Variants in RUNDC3B observed in about 807,000 individuals in gnomAD.
The protein encoded by RUNDC3B is RUN domain-containing protein 3B.
RUNDC3B carries 33 observed loss-of-function variants against 58.4 expected under a neutral mutation model. That is an observed-to-expected ratio of 0.56 (90% CI 0.43 to 0.75). The LOEUF is 0.75. RUNDC3B is among the 30% of genes least tolerant of loss of function. The pLI is 0.00. For missense variants in RUNDC3B, 501 were observed against 535.7 expected, an observed-to-expected ratio of 0.94 and a Z score of 0.64; for synonymous variants, 193 against 195.2, an observed-to-expected ratio of 0.99 and a Z score of 0.10.
chr7:87,664,928 A>G (rs1218304930), intron 2 of RUNDC3B, among the ~76,000 whole-genome samples: 5 of 152,128 alleles, frequency 3.3e-5, no homozygotes, highest in Non-Finnish European at 7.4e-5. Flanking sequence ...ATTCTCAACA[A>G]TTAAAGTACA....
chr7:87,742,516 C>T (rs1832383735), intron 6 of RUNDC3B, among the ~76,000 whole-genome samples: 1 of 151,992 alleles, frequency 6.6e-6, no homozygotes. Context: ...TCATCCAGGT[C>T]ATCACAAATG....
chr7:87,679,070 T>C lies in RUNDC3B; in HGVS notation c.239-21351T>C, dbSNP rs942494441. Among the ~76,000 whole-genome samples, 2 of 134,722 alleles carry C rather than the reference T, an allele frequency of 1.5e-5. 1 individual carries two copies. The highest frequency in any genetic ancestry group is 5.9e-5 in the African/African-American group (2 of 34,070). 88.4% of individuals were successfully genotyped at this position (134,722 alleles called of 152,430 possible). On this transcript the variant is annotated intron_variant, in intron 2 of 10. Transcript: ENST00000394654. The stretch of plus-strand genomic sequence containing the variant: ...TGGCAATATTATCAGCCAACTGACA[T>C]TTATAAAACACCCCAACTTTTTTTT...
intron 2 of RUNDC3B, among the ~76,000 whole-genome samples, chr7:87,667,853 T>A (rs1825418002): frequency 6.6e-6 from 1 of 152,172 alleles, no homozygotes; most frequent in South Asian, 2.1e-4. Context: ...TCTTGATGGA[T>A]TAGCTTTTTG....
chr7:87,751,411 G>A (rs549625527), intron 6 of RUNDC3B, among the ~76,000 whole-genome samples: 3 of 152,196 alleles, frequency 2.0e-5, no homozygotes, highest in East Asian at 3.9e-4. Flanking sequence ...TTCCAATTCT[G>A]TGAAGAAAGT....
At chr7:87,702,248 A>C (rs1217361387) in intron 3 of RUNDC3B, among the ~76,000 whole-genome samples, 1 of 149,964 alleles carries the variant, frequency 6.7e-6, no homozygotes, top group Non-Finnish European at 1.5e-5. Context: ...TTATGTTAAC[A>C]GGTAATGGGT....
intron 9 of RUNDC3B, among the ~76,000 whole-genome samples, chr7:87,813,751 G>A (rs529266389): frequency 1.3e-5 from 2 of 152,114 alleles, no homozygotes; most frequent in African/African-American, 2.4e-5. Context: ...AGGCCGAGGC[G>A]GGAGGATCGT....
Position 87,686,570 on chromosome 7 carries a change from A to C in RUNDC3B, c.239-13851A>C, listed in dbSNP as rs542979134. On this transcript the variant is annotated intron_variant, in intron 2 of 10. Transcript: ENST00000394654. ...GTAAAGTCATCAGAGACAACGTTGT[A>C]AACTTCAGCTTGGTGACATGAGGAT... Among the ~76,000 whole-genome samples the C allele has an allele frequency of 6.0e-4, 92 of 152,306 alleles. 1 individual carries two copies. The highest frequency in any genetic ancestry group is 2.2e-3 in the African/African-American group (91 of 41,554).
At chr7:87,718,253 A>G (rs1419520129) in intron 4 of RUNDC3B, among the ~76,000 whole-genome samples, 1 of 152,166 alleles carries the variant, frequency 6.6e-6, no homozygotes, top group Non-Finnish European at 1.5e-5. Flanking sequence ...TTCCCTCAGC[A>G]ACAACTTTGG....
At chr7:87,738,609 G>A (rs1428724795) in intron 4 of RUNDC3B, among the ~76,000 whole-genome samples, 3 of 151,676 alleles carry the variant, frequency 2.0e-5, no homozygotes, top group African/African-American at 4.8e-5. Context: ...TTTGTTTTAC[G>A]AAACGTAGAT....
rs374480987 is a variant in RUNDC3B at position 87,715,937 on chromosome 7, C to T, written c.458+5282C>T. 3.2e-4 allele frequency among the ~76,000 whole-genome samples: 49 copies of T among 151,666 alleles called. No individual in the cohort carries two copies. The East Asian group carries it at 3.5e-3, about 11-fold the overall frequency. On this transcript the variant is annotated intron_variant, in intron 4 of 10. Coordinates refer to ENST00000394654, the MANE Select transcript of RUNDC3B (RefSeq NM_001134405.2). ...CACTGACAAGGAGAGAATAGAGTAACGGAAATAAAGACAGGAATTATCATT... is the reference window on the plus strand; with the variant it reads ...CACTGACAAGGAGAGAATAGAGTAATGGAAATAAAGACAGGAATTATCATT...
chr7:87,729,424 G>C (rs909648152), intron 4 of RUNDC3B, among the ~76,000 whole-genome samples: 16 of 152,306 alleles, frequency 1.1e-4, no homozygotes, highest in African/African-American at 3.8e-4. Context: ...TGCATTCAGG[G>C]GAGGCAGCAA....
chr7:87,800,792 A>G (rs1241544218), intron 8 of RUNDC3B, among the ~76,000 whole-genome samples: 1 of 151,880 alleles, frequency 6.6e-6, no homozygotes, highest in South Asian at 2.1e-4. Context: ...GACTACAAGC[A>G]TGTACCACCT....
intron 6 of RUNDC3B, among the ~76,000 whole-genome samples, chr7:87,765,616 G>T (rs1833937123): frequency 6.6e-6 from 1 of 151,906 alleles, no homozygotes; most frequent in South Asian, 2.1e-4. Context: ...GGTTCTTCAT[G>T]GTATTGATTT....
intron 1 of RUNDC3B, among the ~76,000 whole-genome samples, chr7:87,647,137 G>A (rs80238698): frequency 0.02 from 3,054 of 152,118 alleles, 44 homozygotes; most frequent in Middle Eastern, 0.034. Context: ...TATCATTCTC[G>A]TTTCATAGGA....
chr7:87,712,838 T>C (rs908844495), intron 4 of RUNDC3B, among the ~76,000 whole-genome samples: 2 of 152,132 alleles, frequency 1.3e-5, no homozygotes, highest in African/African-American at 2.4e-5. Context: ...TACATAGATA[T>C]ATGCACACAT....
At chr7:87,792,692 T>C (rs1342273819) in intron 8 of RUNDC3B, among the ~76,000 whole-genome samples, 2 of 152,036 alleles carry the variant, frequency 1.3e-5, no homozygotes, top group South Asian at 4.1e-4. Flanking sequence ...TCAAAACCTA[T>C]GGGATACACT....
chr7:87,682,647 A>T (rs1827041138), intron 2 of RUNDC3B, among the ~76,000 whole-genome samples: 1 of 152,178 alleles, frequency 6.6e-6, no homozygotes, highest in African/African-American at 2.4e-5. Context: ...GGATCAAAAC[A>T]ATGGGCTTTG....
chr7:87,702,035 T>C (rs982915315), intron 3 of RUNDC3B, among the ~76,000 whole-genome samples: 2 of 147,064 alleles, frequency 1.4e-5, no homozygotes, highest in East Asian at 2.0e-4. Flanking sequence ...CCCAGCTACT[T>C]GGGAGGCTGA....
At chr7:87,731,289 A>G (rs192858427) in intron 4 of RUNDC3B, among the ~76,000 whole-genome samples, 23 of 152,352 alleles carry the variant, frequency 1.5e-4, no homozygotes, top group Middle Eastern at 6.8e-3. Flanking sequence ...CACAAAATAT[A>G]AAACAATAAA....
Sources: gnomAD v4.1 joint callset for allele counts (sites outside exome capture counted in the v4.1 genomes callset) on GRCh38, gnomAD v4.1.1 for gene constraint, MANE v1.5 for transcripts, NCBI Gene and HGNC (gene_info 2026-07-23, HGNC 2026-07-21) for gene names.